Variants in ANO1 observed in about 807,000 individuals in gnomAD.
ANO1 encodes the protein anoctamin-1.
ANO1 carries 59 observed loss-of-function variants against 124.0 expected under a neutral mutation model. The observed-to-expected ratio is 0.48, with a 90% CI of 0.39 to 0.59. The LOEUF is 0.59. Among genes scored for constraint, ANO1 ranks in the 20% least tolerant of loss-of-function variants. The pLI is 0.00. For synonymous variants in ANO1, 529 were observed against 532.0 expected (o/e 0.99, Z 0.08); for missense variants, 1,059 against 1,328.0 (o/e 0.80, Z 3.15).
chr11:70,038,597 C>T (rs1159744121), intron 1 of ANO1, among the ~76,000 whole-genome samples: 1 of 152,084 alleles, frequency 6.6e-6, no homozygotes, highest in Non-Finnish European at 1.5e-5. Context: ...GACTCTGTTT[C>T]CCCTCTGGGA....
At chr11:70,134,615 C>T (rs771723980) in intron 11 of ANO1, among the ~76,000 whole-genome samples, 5 of 152,178 alleles carry the variant, frequency 3.3e-5, no homozygotes, top group Non-Finnish European at 7.3e-5. Context: ...CGAGAGTGTG[C>T]GTGCGCCTGG....
intron 1 of ANO1, among the ~76,000 whole-genome samples, chr11:69,997,465 G>T (rs753676066): frequency 1.7e-4 from 26 of 152,176 alleles, no homozygotes; most frequent in Non-Finnish European, 3.1e-4. Context: ...AGACCTACTG[G>T]TCCCCCAGGC....
chr11:70,122,305 C>T (rs1590793799), intron 8 of ANO1, among the ~76,000 whole-genome samples: 4 of 119,204 alleles, frequency 3.4e-5, no homozygotes, highest in South Asian at 6.4e-4. Flanking sequence ...TCCATCTCCC[C>T]CGCCTCTCTC....
chr11:70,105,653 G>T, intron 4 of ANO1, 81 bp from the exon 5 acceptor site: 4 of 1,324,962 alleles, frequency 3.0e-6, no homozygotes, highest in Non-Finnish European at 4.4e-6. Context: ...TGGGGACAGT[G>T]TGGTTTCCCA....
chr11:69,991,462 C>G (rs868983181), intron 1 of ANO1, among the ~76,000 whole-genome samples: 2 of 152,314 alleles, frequency 1.3e-5, no homozygotes, highest in Middle Eastern at 3.4e-3. Context: ...AGCCTGCCCC[C>G]CTGTCCTCTG....
At chr11:70,050,530 G>C (rs1253472260) in intron 1 of ANO1, among the ~76,000 whole-genome samples, 1 of 152,022 alleles carries the variant, frequency 6.6e-6, no homozygotes, top group Non-Finnish European at 1.5e-5. Context: ...TCCTTTCCTT[G>C]TTGAGCTTGG....
At chr11:70,128,989 G>A (rs575685093) in intron 10 of ANO1, among the ~76,000 whole-genome samples, 2 of 152,328 alleles carry the variant, frequency 1.3e-5, no homozygotes, top group South Asian at 2.1e-4. Flanking sequence ...GGTCACTGTG[G>A]CCTGGGCCAC....
intron 22 of ANO1, among the ~76,000 whole-genome samples, chr11:70,175,403 C>T (rs2048654925): frequency 6.6e-6 from 1 of 152,228 alleles, no homozygotes; most frequent in Admixed American, 6.5e-5. Context: ...CGTGCAGGGC[C>T]CCCAGGCGAG....
intron 1 of ANO1, among the ~76,000 whole-genome samples, chr11:70,035,062 C>A (rs1159590355): frequency 6.6e-6 from 1 of 152,212 alleles, no homozygotes; most frequent in Middle Eastern, 3.4e-3. Flanking sequence ...CTCCAAGGAC[C>A]AGGGGTGCAG....
intron 25 of ANO1, 102 bp downstream of exon 25, chr11:70,185,797 C>A: frequency 7.6e-7 from 1 of 1,308,042 alleles, no homozygotes; most frequent in Non-Finnish European, 1.1e-6. Context: ...GCCAGGGGTT[C>A]AGAGACTCCT....
Position 70,078,729 on chromosome 11 carries a change from C to A in ANO1, c.108+15C>A. 1 of 1,445,226 alleles carries A rather than the reference C, an allele frequency of 6.9e-7. No homozygotes were observed. Among genetic ancestry groups the A allele is most frequent in the East Asian group, 3.3e-5 (1 of 30,676 alleles). The allele number at this position is 1,445,226 out of a possible 1,614,324, so 89.5% of individuals were successfully genotyped here. A position where few individuals can be genotyped will look rare whatever the true frequency, so the allele number is the denominator to read the frequency against. ...CCGAGGGCACGGTGAGTGCGGGCGG[C>A]CGCGACCCGGGCGGGAGGGCCGCGC... On this transcript the variant is annotated intron_variant, in intron 1 of 25. Coordinates refer to ENST00000355303, the MANE Select transcript of ANO1 (RefSeq NM_018043.7).
intron 1 of ANO1, among the ~76,000 whole-genome samples, chr11:69,995,435 A>G (rs1856250988): frequency 6.6e-6 from 1 of 152,042 alleles, no homozygotes; most frequent in African/African-American, 2.4e-5. Flanking sequence ...GTGTATGCAG[A>G]TGTCCTTGGC....
chr11:69,988,564 C>T (rs1856092526), intron 1 of ANO1, among the ~76,000 whole-genome samples: 1 of 152,196 alleles, frequency 6.6e-6, no homozygotes, highest in South Asian at 2.1e-4. Context: ...ACCGAGTGCT[C>T]TGTGACTGAT....
At chr11:70,163,525 GT>G in intron 19 of ANO1, 185 bp downstream of exon 19, 1 of 712,174 alleles carries the variant, frequency 1.4e-6, no homozygotes, top group Non-Finnish European at 2.5e-6. Context: ...CTTATCTGGT[GT>G]GTTCATATAG....
intron 9 of ANO1, among the ~76,000 whole-genome samples, chr11:70,124,643 A>G (rs565817884): frequency 2.6e-5 from 4 of 152,220 alleles, no homozygotes; most frequent in African/African-American, 9.6e-5. Flanking sequence ...TTTCAGTCAC[A>G]TTTACCATCT....
At chr11:69,992,823 A>G (rs11824247) in intron 1 of ANO1, among the ~76,000 whole-genome samples, 9,939 of 152,216 alleles carry the variant, frequency 0.065, 568 homozygotes, top group African/African-American at 0.15. Flanking sequence ...AGCCTTCAGC[A>G]CTGGGCACAC....
chr11:70,136,431 C>A (rs1273976833), intron 11 of ANO1, among the ~76,000 whole-genome samples: 1 of 152,002 alleles, frequency 6.6e-6, no homozygotes, highest in Non-Finnish European at 1.5e-5. Flanking sequence ...GTGGGACCTG[C>A]AGCACCAGCA....
chr11:70,168,878 C>T (rs1369346434), intron 21 of ANO1, among the ~76,000 whole-genome samples: 2 of 152,206 alleles, frequency 1.3e-5, no homozygotes, highest in Admixed American at 1.3e-4. Context: ...CCCAGACAAT[C>T]GTGCAAGGAG....
At position 70,057,705 on chromosome 11, in the gene ANO1, G is replaced by A. The variant is rs115613677; in HGVS notation, c.59-20837G>A. On this transcript the variant is annotated intron_variant, in intron 1 of 27. Coordinates refer to the ANO1 transcript ENST00000531349. ...ACAAGGTCGATTGATTGGTTGGGGC[G>A]GGGCAGGAACAAATCACAATGGTGG... Among the ~76,000 whole-genome samples, 181 of 152,164 alleles carry A rather than the reference G, an allele frequency of 1.2e-3. 2 individuals carry two copies. Among genetic ancestry groups the A allele is most frequent in the African/African-American group, 4.0e-3 (168 of 41,520 alleles).
Sources: allele counts gnomAD v4.1 joint callset (sites outside exome capture counted in the v4.1 genomes callset), GRCh38; gene constraint gnomAD v4.1.1; transcripts MANE v1.5; gene names NCBI Gene and HGNC (gene_info 2026-07-23, HGNC 2026-07-21).